Variants in JARID2 observed in about 807,000 individuals in gnomAD.
JARID2 encodes jumonji and AT-rich interaction domain containing 2, also known as protein Jumonji.
JARID2 carries 21 observed loss-of-function variants against 125.6 expected under a neutral mutation model. The ratio of observed to expected loss-of-function variants is 0.17; its 90% CI spans 0.12 to 0.24. The LOEUF (loss-of-function observed/expected upper bound fraction) is 0.24, where lower values mean the gene tolerates loss of function less well. Among genes scored for constraint, JARID2 ranks in the 10% least tolerant of loss-of-function variants. JARID2 has a pLI of 1.00. For missense variants in JARID2, 1,303 were observed against 1,639.6 expected, an observed-to-expected ratio of 0.79 and a Z score of 3.55; for synonymous variants, 736 against 661.6, an observed-to-expected ratio of 1.11 and a Z score of -1.73.
intron 2 of JARID2, among the ~76,000 whole-genome samples, chr6:15,403,332 TG>T (rs1765510960): frequency 6.6e-6 from 1 of 152,236 alleles, no homozygotes; most frequent in South Asian, 2.1e-4. Flanking sequence ...CAGTGTTTTC[TG>T]TCCCCCTGGG....
At chr6:15,418,985 T>C (rs1047577934) in intron 3 of JARID2, among the ~76,000 whole-genome samples, 3 of 152,236 alleles carry the variant, frequency 2.0e-5, no homozygotes, top group Non-Finnish European at 4.4e-5. Flanking sequence ...ATACGAATCT[T>C]CTTGATAGCA....
rs191326350 is a variant in JARID2, at chr6:15,520,388, T to A, written c.*137T>A. On this transcript the variant is annotated 3_prime_UTR_variant, in exon 18 of 18. Coordinates refer to ENST00000341776, the MANE Select transcript of JARID2 (RefSeq NM_004973.4). ...TTTTCTTCTGGTTTTAGAGAACTAA[T>A]TTTGTTTTAGCATTAAACTGTTGAA... is the stretch of plus-strand genomic sequence containing the variant. 1 of 705,030 alleles carries A rather than the reference T, an allele frequency of 1.4e-6. No homozygotes were observed. Among genetic ancestry groups the A allele is most frequent in the East Asian group, 3.0e-5 (1 of 33,010 alleles). The allele number at this position is 705,030 out of a possible 1,614,324, so 43.7% of individuals were successfully genotyped here.
intron 3 of JARID2, among the ~76,000 whole-genome samples, chr6:15,423,179 T>C (rs1163426357): frequency 6.6e-6 from 1 of 152,016 alleles, no homozygotes; most frequent in Non-Finnish European, 1.5e-5. Flanking sequence ...TTTTCATTTT[T>C]TGTAGAAGTA....
At chr6:15,449,255 TA>T (rs1561869782) in intron 3 of JARID2, among the ~76,000 whole-genome samples, 1 of 152,140 alleles carries the variant, frequency 6.6e-6, no homozygotes, top group East Asian at 1.9e-4. Context: ...CCTTATTTTT[TA>T]AAAAATAACA....
chr6:15,437,138 G>A (rs972254543), intron 3 of JARID2, among the ~76,000 whole-genome samples: 2 of 152,162 alleles, frequency 1.3e-5, no homozygotes. Context: ...CCCTTTTGGT[G>A]AATGATTGAG....
At chr6:15,344,250 G>A (rs1763171769) in intron 1 of JARID2, among the ~76,000 whole-genome samples, 1 of 151,678 alleles carries the variant, frequency 6.6e-6, no homozygotes, top group Non-Finnish European at 1.5e-5. Flanking sequence ...TTATTCAGTG[G>A]GTGGTGCTTG....
rs947714485 is a variant in JARID2, at chr6:15,454,755, A to G, written c.493+2580A>G. Among the ~76,000 whole-genome samples, 10 of 151,580 alleles carry G rather than the reference A, an allele frequency of 6.6e-5. No individual in the cohort carries two copies. In the South Asian group the frequency reaches 1.9e-3, roughly 28 times the overall value. On this transcript the variant is annotated intron_variant, in intron 4 of 17. Transcript: ENST00000341776. ...CATCTTGGCCTCCCAAAGTGCTGGGATGACAGGCATGAGCCAACATGCCTT... is the reference window on the plus strand; with the variant it reads ...CATCTTGGCCTCCCAAAGTGCTGGGGTGACAGGCATGAGCCAACATGCCTT...
intron 2 of JARID2, among the ~76,000 whole-genome samples, chr6:15,392,437 C>G (rs183505142): frequency 6.6e-6 from 1 of 152,008 alleles, no homozygotes; most frequent in African/African-American, 2.4e-5. Flanking sequence ...ACCTTCTGTC[C>G]GACTTGCCCT....
intron 6 of JARID2, among the ~76,000 whole-genome samples, chr6:15,495,150 T>G (rs535538125): frequency 6.6e-6 from 1 of 152,322 alleles, no homozygotes; most frequent in South Asian, 2.1e-4. Flanking sequence ...CCAGCATGTC[T>G]GGCAGCAGCC....
intron 1 of JARID2, among the ~76,000 whole-genome samples, chr6:15,254,767 C>T (rs1011959605): frequency 6.6e-6 from 1 of 152,110 alleles, no homozygotes. Context: ...GGGCCGGGCG[C>T]GGTGGCTCAT....
Position 15,508,408 on chromosome 6 carries a change from C to T in JARID2, c.2800C>T (p.His934Tyr). The T allele has an allele frequency of 2.5e-6, 4 of 1,610,812 alleles. No individual in the cohort carries two copies. The highest frequency in any genetic ancestry group is 3.4e-6 in the Non-Finnish European group (4 of 1,176,904). Residue 934 changes from histidine (H) to tyrosine (Y), a missense_variant, in exon 12 of 18, where the codon CAC becomes TAC. By Grantham distance (83) the His-to-Tyr change is moderately conservative (BLOSUM62 2). Coordinates refer to ENST00000341776, the MANE Select transcript of JARID2 (RefSeq NM_004973.4). ...CTCATGCTGGTCTCGAGACCAAAATCACCTTCCATACATTGACTACTTACA... is the reference window on the plus strand; with the variant it reads ...CTCATGCTGGTCTCGAGACCAAAATTACCTTCCATACATTGACTACTTACA... The part of the protein sequence containing the change: ...STSCWSRDQN[H>Y]LPYIDYLHTG...
chr6:15,490,100 A>T (rs1770077320), intron 6 of JARID2, among the ~76,000 whole-genome samples: 1 of 152,246 alleles, frequency 6.6e-6, no homozygotes, highest in African/African-American at 2.4e-5. Context: ...AGATCCTATT[A>T]GTTAAGTACT....
At chr6:15,374,336 G>C (rs761704556) in intron 2 of JARID2, 84 bp downstream of exon 2, 43 of 1,457,940 alleles carry the variant, frequency 2.9e-5, no homozygotes, top group Middle Eastern at 3.6e-4. Flanking sequence ...TATTCTGGCA[G>C]CTTGTGCTTC....
chr6:15,482,914 C>T (rs1769692296), intron 5 of JARID2, among the ~76,000 whole-genome samples: 1 of 151,900 alleles, frequency 6.6e-6, no homozygotes, highest in Non-Finnish European at 1.5e-5. Flanking sequence ...TCAGTGAGTT[C>T]TTGTTAGCAC....
chr6:15,500,579 A>G (rs1770685812), intron 7 of JARID2, among the ~76,000 whole-genome samples: 2 of 152,296 alleles, frequency 1.3e-5, no homozygotes, highest in Middle Eastern at 6.8e-3. Flanking sequence ...TACATGGTAC[A>G]CTGGGATGTT....
At chr6:15,398,858 T>C (rs1489088728) in intron 2 of JARID2, among the ~76,000 whole-genome samples, 1 of 152,188 alleles carries the variant, frequency 6.6e-6, no homozygotes, top group African/African-American at 2.4e-5. Flanking sequence ...TACGTGATTC[T>C]GAAACTTCAT....
chr6:15,246,259 T>C lies in JARID2; in HGVS notation c.-281T>C, dbSNP rs1581314845. 6 of 519,112 alleles carry C rather than the reference T, an allele frequency of 1.2e-5. No individual in the cohort carries two copies. The East Asian group carries it at 2.0e-4, about 17-fold the overall frequency. The allele number at this position is 519,112 out of a possible 1,614,324, so 32.2% of individuals were successfully genotyped here. A position where few individuals can be genotyped will look rare whatever the true frequency, so the allele number is the denominator to read the frequency against. On this transcript the variant is annotated 5_prime_UTR_variant, in exon 1 of 18. Transcript: ENST00000341776. Reference sequence around the variant, plus strand: ...GGGCGTCGGTTTTTTTTTGTGTGTGTGTGTATGTGTTTCGGGGGAAATTTT... The same window carrying C: ...GGGCGTCGGTTTTTTTTTGTGTGTGCGTGTATGTGTTTCGGGGGAAATTTT...
rs868837791 is a variant in JARID2 at position 15,284,533 on chromosome 6, G to A, written c.45+37949G>A. 1.9e-3 allele frequency among the ~76,000 whole-genome samples: 275 copies of A among 144,182 alleles called. 1 individual carries two copies. The highest frequency in any genetic ancestry group is 6.6e-3 in the African/African-American group (254 of 38,620). The allele number at this position is 144,182 out of a possible 152,430, so 94.6% of individuals were successfully genotyped here. ...ATCCTTTTTTTTTTTTTTTTGAGAC[G>A]AAGTCTTGCTCTTGTTTCCCAGGCT... is the stretch of plus-strand genomic sequence containing the variant. On this transcript the variant is annotated intron_variant, in intron 1 of 17. Transcript: ENST00000341776.
At chr6:15,493,197 A>T (rs1770241871) in intron 6 of JARID2, among the ~76,000 whole-genome samples, 1 of 152,120 alleles carries the variant, frequency 6.6e-6, no homozygotes, top group Non-Finnish European at 1.5e-5. Flanking sequence ...GTATTTGGAC[A>T]GCGGTGTTAG....
Sources: gnomAD v4.1 joint callset for allele counts (sites outside exome capture counted in the v4.1 genomes callset) on GRCh38, gnomAD v4.1.1 for gene constraint, MANE v1.5 for transcripts, NCBI Gene and HGNC (gene_info 2026-07-23, HGNC 2026-07-21) for gene names.